Variants in MYH11 observed in about 807,000 individuals in gnomAD.
The protein encoded by MYH11 is myosin-11.
MYH11 carries 80 observed loss-of-function variants against 246.6 expected under a neutral mutation model. The ratio of observed to expected loss-of-function variants is 0.32; its 90% confidence interval spans 0.27 to 0.39. MYH11 has a LOEUF of 0.39. MYH11 is among the 10% of genes least tolerant of loss of function. The pLI, the probability that MYH11 is intolerant of heterozygous loss-of-function variation, is 1.00. For synonymous variants in MYH11, 1,071 were observed against 1,015.5 expected, an observed-to-expected ratio of 1.05 and a Z score of -1.04; for missense variants, 2,158 against 2,546.8, an observed-to-expected ratio of 0.85 and a Z score of 3.29.
intron 38 of MYH11, among the ~76,000 whole-genome samples, chr16:15,716,015 T>C (rs899238133): frequency 2.0e-5 from 3 of 152,054 alleles, no homozygotes; most frequent in Non-Finnish European, 4.4e-5. Flanking sequence ...TAGTCCCAGC[T>C]ACTTGGGAGG....
chr16:15,803,459 T>C (rs2042936207), intron 3 of MYH11, among the ~76,000 whole-genome samples: 2 of 151,928 alleles, frequency 1.3e-5, no homozygotes, highest in Admixed American at 1.3e-4. Context: ...CTATTTTTTG[T>C]AGAGACGGGG....
chr16:15,771,500 G>A, intron 9 of MYH11, 69 bp downstream of exon 9: 1 of 1,510,032 alleles, frequency 6.6e-7, no homozygotes, highest in Non-Finnish European at 9.1e-7. Flanking sequence ...CCTGACCAGA[G>A]AAGAGTTCTT....
chr16:15,723,813 C>T (rs772042843), intron 31 of MYH11, among the ~76,000 whole-genome samples: 10 of 152,156 alleles, frequency 6.6e-5, no homozygotes, highest in African/African-American at 9.7e-5. Flanking sequence ...AACTGAATTA[C>T]TTGGAATACT....
chr16:15,755,690 T>C (rs2041693778), intron 14 of MYH11, among the ~76,000 whole-genome samples: 1 of 152,054 alleles, frequency 6.6e-6, no homozygotes, highest in Non-Finnish European at 1.5e-5. Context: ...CCTAGCACCT[T>C]GGGAGGCCGA....
Position 15,796,838 on chromosome 16 carries a change from A to C in MYH11, c.530+1822T>G, listed in dbSNP as rs575408644. 1.7e-4 allele frequency among the ~76,000 whole-genome samples: 26 copies of C among 152,326 alleles called. No individual in the cohort carries two copies. In the South Asian group the frequency reaches 5.4e-3, roughly 32 times the overall value. On this transcript the variant is annotated intron_variant, in intron 4 of 40. Transcript: ENST00000300036. ...GAGCCAAGGAATGCAGGTGACCCCT[A>C]GAAGCCAGAAAACTAGGAAACCAAG...
chr16:15,744,494 T>G (rs1200062456), intron 20 of MYH11, among the ~76,000 whole-genome samples: 2 of 144,616 alleles, frequency 1.4e-5, no homozygotes. Context: ...TGCCTGGCCT[T>G]TTTTTTAAAT....
chr16:15,833,610 T>C (rs529983451), intron 2 of MYH11, among the ~76,000 whole-genome samples: 1 of 152,306 alleles, frequency 6.6e-6, no homozygotes, highest in African/African-American at 2.4e-5. Flanking sequence ...GGAAAGCTCC[T>C]CTGGCTTCTA....
At chr16:15,741,181 T>C (rs981590283) in intron 22 of MYH11, 11 of 580,454 alleles carry the variant, frequency 1.9e-5, no homozygotes, top group South Asian at 1.0e-4. Flanking sequence ...CATGTTTTGT[T>C]ATGTAGCAAT....
At chr16:15,763,741 T>TCCGGCCCCCCCCCCCCC in intron 10 of MYH11, 55 bp downstream of exon 10, 1 of 646,856 alleles carries the variant, frequency 1.5e-6, no homozygotes, top group Non-Finnish European at 2.9e-6. Context: ...AAATGTCACC[T>TCCGGCCCCCCCCCCCCC]CCCCCACCCC....
intron 25 of MYH11, among the ~76,000 whole-genome samples, chr16:15,737,172 G>A (rs2041142796): frequency 1.3e-5 from 2 of 152,176 alleles, no homozygotes; most frequent in Non-Finnish European, 2.9e-5. Flanking sequence ...GATGAGAAAA[G>A]CCTGGATGTC....
chr16:15,803,321 G>T (rs2042932322), intron 3 of MYH11, among the ~76,000 whole-genome samples: 1 of 149,822 alleles, frequency 6.7e-6, no homozygotes, highest in Admixed American at 6.7e-5. Context: ...CTGTCACCCA[G>T]GCTGGAGTGC....
intron 31 of MYH11, among the ~76,000 whole-genome samples, chr16:15,722,003 G>A (rs1416969219): frequency 6.6e-6 from 1 of 152,024 alleles, no homozygotes; most frequent in Non-Finnish European, 1.5e-5. Context: ...GATTACAGGT[G>A]CCCACCACCA....
chr16:15,832,788 T>C (rs2151376115), intron 2 of MYH11, among the ~76,000 whole-genome samples: 1 of 151,896 alleles, frequency 6.6e-6, no homozygotes, highest in Non-Finnish European at 1.5e-5. Context: ...CCCACGACCA[T>C]CACCTCCTGC....
intron 26 of MYH11, among the ~76,000 whole-genome samples, chr16:15,734,800 C>G (rs2041067097): frequency 6.6e-6 from 1 of 151,910 alleles, no homozygotes; most frequent in African/African-American, 2.4e-5. Context: ...TATGTGTGGC[C>G]CAAGACAAAT....
In MYH11 at chr16:15,735,448, G is replaced by A; in HGVS notation, c.3424C>T (p.Arg1142Ter). ...GCCTCCAGCTCCTCGCCGAGGTCTCGCTTCTGCTTTTCAGCCTTGTTCCTG... is the reference window on the plus strand; with the variant it reads ...GCCTCCAGCTCCTCGCCGAGGTCTCACTTCTGCTTTTCAGCCTTGTTCCTG... ...AARNKAEKQK[R>*]DLGEELEALK... The change falls in exon 26 of 41, where the codon CGA becomes TGA. Residue 1142 changes from arginine to a stop codon, truncating the protein, a stop_gained. Coordinates refer to ENST00000300036, the MANE Select transcript of MYH11 (RefSeq NM_002474.3). LOFTEE classifies it high-confidence loss of function. 1 of 1,614,088 alleles carries A rather than the reference G, an allele frequency of 6.2e-7. No homozygotes were observed. Among genetic ancestry groups the A allele is most frequent in the Non-Finnish European group, 8.5e-7 (1 of 1,180,016 alleles).
intron 4 of MYH11, among the ~76,000 whole-genome samples, chr16:15,796,558 C>T (rs141958849): frequency 6.6e-6 from 1 of 152,208 alleles, no homozygotes; most frequent in African/African-American, 2.4e-5. Flanking sequence ...ACATGTGGCT[C>T]ACACATGGGT....
intron 2 of MYH11, among the ~76,000 whole-genome samples, chr16:15,832,139 C>A (rs779740770): frequency 2.6e-5 from 4 of 151,980 alleles, no homozygotes; most frequent in Non-Finnish European, 5.9e-5. Flanking sequence ...GTCTCTAAGG[C>A]GGAAAAATTG....
chr16:15,718,957 A>G (rs2040319014), intron 36 of MYH11: 1 of 479,912 alleles, frequency 2.1e-6, no homozygotes, highest in Non-Finnish European at 3.8e-6. Flanking sequence ...GTGAAACCCC[A>G]CCTCTACTAA....
In MYH11 at chr16:15,740,154, G is replaced by C; in HGVS notation, c.2894C>G (p.Ala965Gly). Residue 965 changes from alanine to glycine, a missense_variant, in exon 23 of 41, where the codon GCC becomes GGC. Ala to Gly is a moderately conservative substitution (Grantham distance 60). This residue lies in a region of MYH11 where 284 missense variants were observed against 315.4 expected (regional missense o/e 0.90). Transcript: ENST00000300036. Reference sequence around the variant, plus strand: ...CTTCTCAAGTTGCAGCTTCTGCCTGGCAGCTTCCTCCTCCTCCAGCTGTTC... The same window carrying C: ...CTTCTCAAGTTGCAGCTTCTGCCTGCCAGCTTCCTCCTCCTCCAGCTGTTC... ...LEEQLEEEEAARQKLQLEKVT... is the reference protein window; with the variant it reads ...LEEQLEEEEAGRQKLQLEKVT... The C allele has an allele frequency of 6.2e-7, 1 of 1,614,172 alleles. No individual in the cohort carries two copies. Among genetic ancestry groups the C allele is most frequent in the African/African-American group, 1.3e-5 (1 of 75,046 alleles).
Sources: gnomAD v4.1 joint callset for allele counts (sites outside exome capture counted in the v4.1 genomes callset) on GRCh38, gnomAD v4.1.1 for gene constraint, gnomAD v4.1.1 regional missense constraint, MANE v1.5 for transcripts, NCBI Gene and HGNC (gene_info 2026-07-23, HGNC 2026-07-21) for gene names.